The following DOP1B variants were observed in gnomAD, a reference collection of about 807,000 sequenced individuals.
The protein encoded by DOP1B is protein DOP1B.
Under a neutral mutation model 233.5 loss-of-function variants are expected in DOP1B, and 174 were observed. The observed-to-expected ratio is 0.75, with a 90% CI of 0.66 to 0.85. The LOEUF (loss-of-function observed/expected upper bound fraction) is 0.85. Ranked by LOEUF, DOP1B falls within the 40% of genes least tolerant of loss-of-function variation. DOP1B has a pLI of 0.00. For missense variants in DOP1B, 2,652 were observed against 2,846.6 expected (o/e 0.93, Z 1.56); for synonymous variants, 1,190 against 1,185.6 (o/e 1.00, Z -0.08).
At chr21:36,239,249 T>C (rs2066863715) in intron 17 of DOP1B, among the ~76,000 whole-genome samples, 1 of 152,186 alleles carries the variant, frequency 6.6e-6, no homozygotes, top group African/African-American at 2.4e-5. Context: ...AATCCTGGCA[T>C]GCCCCGGGAT....
At chr21:36,225,438 C>A in intron 11 of DOP1B, 127 bp from the exon 12 acceptor site, 1 of 1,015,386 alleles carries the variant, frequency 9.8e-7, no homozygotes, top group Middle Eastern at 2.2e-4. Context: ...ACCATGTTGC[C>A]CAGGCTGGTC....
At position 36,246,408 on chromosome 21, in the gene DOP1B, G is replaced by A. The variant is rs2066966022; in HGVS notation, c.4428G>A (p.Leu1476=). 4.3e-6 allele frequency: 7 copies of A among 1,613,470 alleles called. No homozygotes were observed. Among genetic ancestry groups the A allele is most frequent in the Non-Finnish European group, 5.9e-6 (7 of 1,179,808 alleles). ...PDLSREWQRA[L]NFQQAISALQ... is the part of the protein sequence containing the mutation. ...TGTCCCGGGAGTGGCAGAGAGCCCTGAACTTCCAGCAGGCCATCAGCGCCC... is the reference window on the plus strand; with the variant it reads ...TGTCCCGGGAGTGGCAGAGAGCCCTAAACTTCCAGCAGGCCATCAGCGCCC... Residue 1476 remains leucine (L), a synonymous_variant, in exon 19 of 37, where the codon CTG becomes CTA. Transcript: ENST00000691173. This position sits in a 1 kb window ranked among gnomAD's most constrained non-coding sequence, Gnocchi z 5.1.
At chr21:36,259,610 T>C (rs2067146454) in intron 23 of DOP1B, among the ~76,000 whole-genome samples, 1 of 152,110 alleles carries the variant, frequency 6.6e-6, no homozygotes, top group African/African-American at 2.4e-5. Context: ...GGAGTGGGAA[T>C]GGTGCTCCAC....
rs2123502621 is a variant in DOP1B, at chr21:36,214,611, A to G, written c.1129+55A>G. On this transcript the variant is annotated intron_variant, in intron 9 of 36. Transcript: ENST00000691173. ...TGCTGAATACAGATTACCTGTTTTC[A>G]GGGAAATACAACATGGTGAGATACA... 8 of 1,446,122 alleles carry G rather than the reference A, an allele frequency of 5.5e-6. No individual in the cohort carries two copies. The South Asian group carries it at 8.5e-5, about 15-fold the overall frequency. The allele number at this position is 1,446,122 out of a possible 1,614,324, so 89.6% of individuals were successfully genotyped here. A position where few individuals can be genotyped will look rare whatever the true frequency, so the allele number is the denominator to read the frequency against.
At chr21:36,209,203 G>C (rs7282963) in intron 5 of DOP1B, among the ~76,000 whole-genome samples, 119,716 of 152,162 alleles carry the variant, frequency 0.79, 47,994 homozygotes, top group African/African-American at 0.95. Flanking sequence ...CTCACTGCAA[G>C]CTTCGCCTCC....
intron 24 of DOP1B, among the ~76,000 whole-genome samples, chr21:36,262,513 G>A (rs1361448650): frequency 6.6e-6 from 1 of 152,106 alleles, no homozygotes; most frequent in East Asian, 1.9e-4. Flanking sequence ...AGTGTCCTGG[G>A]ACCTAATGCT....
chr21:36,247,639 T>TC lies in DOP1B; in HGVS notation c.4809+11_4809+12insC. ...AACCAAAACAAAAAGGTAAATTTTTTTTTTTCCTGAGTTCAAGGCAATTTT... is the reference window on the plus strand; with the variant it reads ...AACCAAAACAAAAAGGTAAATTTTTTCTTTTTCCTGAGTTCAAGGCAATTTT... On this transcript the variant is annotated intron_variant, in intron 20 of 36. Transcript: ENST00000691173. The TC allele has an allele frequency of 6.3e-7, 1 of 1,581,580 alleles. No individual in the cohort carries two copies. Among genetic ancestry groups the TC allele is most frequent in the Non-Finnish European group, 8.6e-7 (1 of 1,166,612 alleles).
intron 1 of DOP1B, among the ~76,000 whole-genome samples, chr21:36,164,194 C>T (rs149242345): frequency 1.3e-5 from 2 of 152,244 alleles, no homozygotes; most frequent in East Asian, 3.9e-4. Flanking sequence ...TGATACATCC[C>T]AATAGTCCCA....
chr21:36,213,550 G>A (rs1008051061), intron 7 of DOP1B, among the ~76,000 whole-genome samples: 4 of 151,648 alleles, frequency 2.6e-5, no homozygotes, highest in Non-Finnish European at 4.4e-5. Context: ...CAGCACTTTG[G>A]GAGGCCGAGG....
chr21:36,257,888 T>C (rs1408171250), intron 23 of DOP1B, among the ~76,000 whole-genome samples: 1 of 150,736 alleles, frequency 6.6e-6, no homozygotes. Flanking sequence ...TGTAGTTAGG[T>C]AGGTAGGTAG....
At chr21:36,199,705 C>T (rs969059790) in intron 3 of DOP1B, among the ~76,000 whole-genome samples, 44 of 151,988 alleles carry the variant, frequency 2.9e-4, no homozygotes, top group Admixed American at 2.6e-4. Flanking sequence ...TTTGTCCTTG[C>T]GATAGTTTGC....
At chr21:36,259,202 T>TG (rs1302572115) in intron 23 of DOP1B, among the ~76,000 whole-genome samples, 1 of 151,954 alleles carries the variant, frequency 6.6e-6, no homozygotes, top group Non-Finnish European at 1.5e-5. Context: ...CCTGACCACG[T>TG]GATCCACCCG....
intron 22 of DOP1B, among the ~76,000 whole-genome samples, 169 bp from the exon 23 acceptor site, chr21:36,253,603 A>G (rs1433659875): frequency 6.7e-6 from 1 of 149,332 alleles, no homozygotes; most frequent in East Asian, 1.9e-4. Flanking sequence ...GCACCACTGC[A>G]CTCCAGCCTG....
At chr21:36,270,269 T>C in intron 27 of DOP1B, 112 bp downstream of exon 27, 2 of 1,295,600 alleles carry the variant, frequency 1.5e-6, no homozygotes, top group Non-Finnish European at 2.1e-6. Context: ...GTACTTAAGG[T>C]AGGCTGGGTG....
At chr21:36,284,014 C>T (rs1365277163) in intron 32 of DOP1B, among the ~76,000 whole-genome samples, 1 of 134,380 alleles carries the variant, frequency 7.4e-6, no homozygotes, top group Non-Finnish European at 1.5e-5. Flanking sequence ...GTGGCACAAT[C>T]TCGGCTCACT....
intron 1 of DOP1B, among the ~76,000 whole-genome samples, chr21:36,162,629 G>A (rs2065878841): frequency 6.6e-6 from 1 of 151,912 alleles, no homozygotes; most frequent in Non-Finnish European, 1.5e-5. Flanking sequence ...CAACCTCCAT[G>A]GCTCCTGGGT....
At chr21:36,253,105 C>T (rs2067050300) in intron 22 of DOP1B, among the ~76,000 whole-genome samples, 1 of 152,176 alleles carries the variant, frequency 6.6e-6, no homozygotes, top group African/African-American at 2.4e-5. Flanking sequence ...TGTTTTTCTT[C>T]CAAATGCCCA....
intron 1 of DOP1B, among the ~76,000 whole-genome samples, chr21:36,160,917 A>G (rs148602833): frequency 0.011 from 1,646 of 152,376 alleles, 29 homozygotes; most frequent in African/African-American, 0.037. Context: ...GCAAACATGC[A>G]GGCAACAGGC....
intron 2 of DOP1B, among the ~76,000 whole-genome samples, chr21:36,196,546 C>T (rs544617565): frequency 3.5e-4 from 53 of 149,810 alleles, no homozygotes; most frequent in Non-Finnish European, 6.4e-4. Flanking sequence ...CTTTTTGGAA[C>T]ATAAGCACAT....
Sources: gnomAD v4.1 joint callset for allele counts (sites outside exome capture counted in the v4.1 genomes callset) on GRCh38, gnomAD v4.1.1 for gene constraint, Gnocchi (gnomAD v3.1) non-coding constraint, MANE v1.5 for transcripts, NCBI Gene and HGNC (gene_info 2026-07-23, HGNC 2026-07-21) for gene names.